ST6GALNAC1: variants seen among roughly 807,000 people sequenced by gnomAD.
ST6GALNAC1 encodes ST6 N-acetylgalactosaminide alpha-2,6-sialyltransferase 1.
ST6GALNAC1 carries 45 observed loss-of-function variants against 56.8 expected under a neutral mutation model. The ratio of observed to expected loss-of-function variants is 0.79; its 90% CI spans 0.62 to 1.02. ST6GALNAC1 has a LOEUF of 1.02. Ranked by LOEUF, ST6GALNAC1 falls within the 50% of genes least tolerant of loss-of-function variation. The pLI, the probability that ST6GALNAC1 is intolerant of heterozygous loss-of-function variation, is 0.00. For synonymous variants in ST6GALNAC1, 295 were observed against 297.8 expected, an observed-to-expected ratio of 0.99 and a Z score of 0.10; for missense variants, 743 against 754.8, an observed-to-expected ratio of 0.98 and a Z score of 0.18.
chr17:76,641,474 A>G (rs529211027), intron 1 of ST6GALNAC1, among the ~76,000 whole-genome samples: 8 of 152,352 alleles, frequency 5.3e-5, no homozygotes, highest in Non-Finnish European at 8.8e-5. Flanking sequence ...CAGGTCATTC[A>G]TAGAAAAGTA....
Position 76,627,546 on chromosome 17 carries a change from G to T in ST6GALNAC1, c.869C>A (p.Ser290Ter). The change falls in exon 3 of 9, where the codon TCG becomes TAG. Residue 290 changes from serine to a stop codon, truncating the protein, a stop_gained. Coordinates refer to ENST00000156626, the MANE Select transcript of ST6GALNAC1 (RefSeq NM_018414.5). LOFTEE classifies it high-confidence loss of function. The surrounding 1 kb of genome is among the most constrained non-coding windows in gnomAD (Gnocchi z 4.4). ...PDSVKIKASK[S>*]LWLQKLFLPN... ...CAGAAAGAGTTTCTGGAGCCACAGC[G>T]ACTTGGAGGCTTTGATCTTCACAGA... 5.0e-6 allele frequency: 8 copies of T among 1,614,170 alleles called. No homozygotes were observed. The highest frequency in any genetic ancestry group is 6.8e-6 in the Non-Finnish European group (8 of 1,180,034).
intron 1 of ST6GALNAC1, among the ~76,000 whole-genome samples, chr17:76,637,031 G>A (rs974102417): frequency 2.0e-5 from 3 of 148,396 alleles, no homozygotes; most frequent in Non-Finnish European, 4.5e-5. Context: ...GATTAAGGGC[G>A]GTGCAAGATG....
At position 76,625,598 on chromosome 17, in the gene ST6GALNAC1, T is replaced by C. The variant is rs144402877; in HGVS notation, c.1606-71A>G. 1.9e-3 allele frequency: 2,978 copies of C among 1,554,768 alleles called. 47 individuals are homozygous for C. In the African/African-American group the frequency reaches 0.033, roughly 17 times the overall value. On this transcript the variant is annotated intron_variant, in intron 8 of 8. Coordinates refer to ENST00000156626, the MANE Select transcript of ST6GALNAC1 (RefSeq NM_018414.5). ...CCAGGCTTCTTCTCATGGCTAATTC[T>C]GTGTTGAGGGGTGGGGGTTCTTTTC... is the stretch of plus-strand genomic sequence containing the variant.
chr17:76,622,588 C>T (rs1381863260), downstream of ST6GALNAC1, among the ~76,000 whole-genome samples: 1 of 152,150 alleles, frequency 6.6e-6, no homozygotes, highest in Non-Finnish European at 1.5e-5. Flanking sequence ...TGGTCTCAAT[C>T]TCTTGACCTC....
At chr17:76,637,381 C>T (rs1444116287) in intron 1 of ST6GALNAC1, 2 of 209,636 alleles carry the variant, frequency 9.5e-6, no homozygotes, top group Non-Finnish European at 9.2e-6. Context: ...ATAGAACAGT[C>T]ACCACAAGGG....
chr17:76,625,620 T>A, intron 8 of ST6GALNAC1, 93 bp from the exon 9 acceptor site: 1 of 1,461,348 alleles, frequency 6.8e-7, no homozygotes, highest in Non-Finnish European at 9.4e-7. Context: ...TGGGGGTTCT[T>A]TTCCCTGGCT....
rs769469105 is a variant in ST6GALNAC1, at chr17:76,629,681, C to A, written c.162G>T (p.Arg54Ser). The A allele has an allele frequency of 3.1e-6, 5 of 1,613,864 alleles. No individual in the cohort carries two copies. Among genetic ancestry groups the A allele is most frequent in the Non-Finnish European group, 4.2e-6 (5 of 1,179,922 alleles). The change falls in exon 2 of 9, where the codon AGG becomes AGT. Residue 54 changes from arginine to serine, a missense_variant. By Grantham distance (110) the Arg-to-Ser change is moderately radical. Transcript: ENST00000156626. The stretch of plus-strand genomic sequence containing the variant: ...TAGGCTTTGCCAGGGACTGTAGAGA[C>A]CTTTCTTTAATGTTCTCTGTGCGTT... Reference protein sequence around the residue: ...RHQRTENIKERSLQSLAKPKS... With the variant: ...RHQRTENIKESSLQSLAKPKS...
chr17:76,625,927 T>C lies in ST6GALNAC1; in HGVS notation c.1506-9A>G, dbSNP rs375799951. The C allele has an allele frequency of 3.7e-5, 59 of 1,590,644 alleles. No homozygotes were observed. Among genetic ancestry groups the C allele is most frequent in the Non-Finnish European group, 4.8e-5 (56 of 1,169,228 alleles). ...TCTTAGACCTCAGAAACCTGTGAAA[T>C]GCCCCAAACCCCCAACTGTCAGGAG... On this transcript the variant is annotated splice_polypyrimidine_tract_variant and intron_variant, in intron 7 of 8. Transcript: ENST00000156626.
At chr17:76,620,828 C>T (rs1196836676), downstream of ST6GALNAC1, among the ~76,000 whole-genome samples, 1 of 152,102 alleles carries the variant, frequency 6.6e-6, no homozygotes, top group Non-Finnish European at 1.5e-5. Flanking sequence ...CTCCTAACCC[C>T]AAGTGATCCA....
chr17:76,625,901 G>C lies in ST6GALNAC1; in HGVS notation c.1523C>G (p.Thr508Ser), dbSNP rs772947097. 2.5e-6 allele frequency: 4 copies of C among 1,579,056 alleles called. No homozygotes were observed. In the African/African-American group the frequency reaches 5.4e-5, roughly 21 times the overall value. Reference sequence around the variant, plus strand: ...TATCCTCCAGTGGGCACCATCCAGGGTCTTAGACCTCAGAAACCTGTGAAA... The same window carrying C: ...TATCCTCCAGTGGGCACCATCCAGGCTCTTAGACCTCAGAAACCTGTGAAA... ...YMKNRFLRSKTLDGAHWRIYR... is the reference protein window; with the variant it reads ...YMKNRFLRSKSLDGAHWRIYR... The change falls in exon 8 of 9, where the codon ACC becomes AGC. Residue 508 changes from threonine to serine, a missense_variant. Physicochemically the swap from Thr to Ser is moderately conservative, Grantham distance 58 (BLOSUM62 1). Transcript: ENST00000156626.
Position 76,629,115 on chromosome 17 carries a change from G to A in ST6GALNAC1, c.728C>T (p.Pro243Leu). The A allele has an allele frequency of 6.2e-7, 1 of 1,609,420 alleles. No homozygotes were observed. The highest frequency in any genetic ancestry group is 8.5e-7 in the Non-Finnish European group (1 of 1,176,818). ...ATPPPAPFQSPTTQRNQRLKA... is the reference protein window; with the variant it reads ...ATPPPAPFQSLTTQRNQRLKA... ...CAGTCTTTGGTTTCTCTGCGTCGTG[G>A]GGCTCTGGAAAGGGGCAGGGGGTGG... The change falls in exon 2 of 9, where the codon CCC becomes CTC. Residue 243 changes from proline to leucine, a missense_variant. By Grantham distance (98) the Pro-to-Leu change is moderately conservative. Coordinates refer to ENST00000156626, the MANE Select transcript of ST6GALNAC1 (RefSeq NM_018414.5).
chr17:76,636,213 T>C (rs1247427771), intron 1 of ST6GALNAC1, among the ~76,000 whole-genome samples: 1 of 152,132 alleles, frequency 6.6e-6, no homozygotes, highest in Non-Finnish European at 1.5e-5. Flanking sequence ...TTATATACTA[T>C]TTTGAAATGT....
At chr17:76,630,982 A>G (rs2075887382) in intron 1 of ST6GALNAC1, among the ~76,000 whole-genome samples, 1 of 144,790 alleles carries the variant, frequency 6.9e-6, no homozygotes, top group South Asian at 2.2e-4. Flanking sequence ...ACAGCCTCAA[A>G]CTCCTGGGCT....
chr17:76,639,045 C>T lies in ST6GALNAC1; in HGVS notation c.131+4463G>A, dbSNP rs191208829. ...CCGTTGCAATGGTCTCTAAACTATCCCCTCTAAAACCACGTTCCCCCGATC... is the reference window on the plus strand; with the variant it reads ...CCGTTGCAATGGTCTCTAAACTATCTCCTCTAAAACCACGTTCCCCCGATC... On this transcript the variant is annotated intron_variant, in intron 1 of 8. Coordinates refer to ENST00000156626, the MANE Select transcript of ST6GALNAC1 (RefSeq NM_018414.5). 3.9e-3 allele frequency among the ~76,000 whole-genome samples: 590 copies of T among 152,270 alleles called. 6 individuals carry two copies. The highest frequency in any genetic ancestry group is 0.014 in the African/African-American group (564 of 41,532).
In ST6GALNAC1 at chr17:76,626,754, T is replaced by C. The variant is rs2075805262; in HGVS notation, c.1208A>G (p.Asp403Gly). 1 of 1,614,178 alleles carries C rather than the reference T, an allele frequency of 6.2e-7. No homozygotes were observed. The highest frequency in any genetic ancestry group is 1.7e-5 in the Admixed American group (1 of 60,024). ...GTAGAAGGATGTCCGAGTCCCCACA[T>C]CCTGTTCGTAGCCTTTAATGAGAGC... ...SGALIKGYEQ[D>G]VGTRTSFYGF... Residue 403 changes from aspartate (D) to glycine (G), a missense_variant, in exon 5 of 9, where the codon GAT (aspartate) becomes GGT (glycine). Coordinates refer to ENST00000156626, the MANE Select transcript of ST6GALNAC1 (RefSeq NM_018414.5).
chr17:76,632,724 G>A (rs1567958230), intron 1 of ST6GALNAC1, among the ~76,000 whole-genome samples: 2 of 152,036 alleles, frequency 1.3e-5, no homozygotes, highest in African/African-American at 4.8e-5. Flanking sequence ...CATATTCAAC[G>A]CGTTCGGCCC....
intron 1 of ST6GALNAC1, among the ~76,000 whole-genome samples, chr17:76,640,317 G>A (rs1018934894): frequency 5.9e-5 from 9 of 152,132 alleles, no homozygotes; most frequent in South Asian, 2.1e-4. Flanking sequence ...ACATTACATC[G>A]TGGACAGTTC....
At chr17:76,628,243 C>CCTCCCTCT (rs2075837358) in intron 2 of ST6GALNAC1, among the ~76,000 whole-genome samples, 1 of 38,596 alleles carries the variant, frequency 2.6e-5, no homozygotes, top group Non-Finnish European at 6.6e-5. Flanking sequence ...GGGCCTTCTC[C>CCTCCCTCT]CTCCCTCCCT....
intron 1 of ST6GALNAC1, among the ~76,000 whole-genome samples, chr17:76,635,266 G>A (rs1159311413): frequency 6.6e-6 from 1 of 152,190 alleles, no homozygotes; most frequent in Non-Finnish European, 1.5e-5. Context: ...ACAGCTTCCA[G>A]AGCTCCCCCT....
Sources: gnomAD v4.1 joint callset for allele counts (sites outside exome capture counted in the v4.1 genomes callset) on GRCh38, gnomAD v4.1.1 for gene constraint, Gnocchi (gnomAD v3.1) non-coding constraint, MANE v1.5 for transcripts, NCBI Gene and HGNC (gene_info 2026-07-23, HGNC 2026-07-21) for gene names.